The following OCA2 variants were observed in gnomAD, a reference collection of about 807,000 sequenced individuals.
The protein encoded by OCA2 is P protein.
A neutral mutation model predicts 100.2 loss-of-function variants in OCA2; 77 were observed. The ratio of observed to expected loss-of-function variants is 0.77; its 90% CI spans 0.64 to 0.93. OCA2 has a LOEUF of 0.93. Among genes scored for constraint, OCA2 ranks in the 40% least tolerant of loss-of-function variants. The probability of loss-of-function intolerance (pLI) is 0.00; values close to 1 mark genes in which losing one functional copy is unlikely to be tolerated. For missense variants in OCA2, 1,062 were observed against 1,089.1 expected, an observed-to-expected ratio of 0.98 and a Z score of 0.35; for synonymous variants, 432 against 439.2, an observed-to-expected ratio of 0.98 and a Z score of 0.21.
intron 1 of OCA2, among the ~76,000 whole-genome samples, chr15:28,088,049 C>A (rs972099752): frequency 6.6e-6 from 1 of 151,292 alleles, no homozygotes; most frequent in African/African-American, 2.4e-5. Flanking sequence ...GCAGCGAAAG[C>A]GAACCTGCAT....
rs74005267 is a variant in OCA2, at chr15:27,861,212, C to T, written c.2245-9737G>A. Among the ~76,000 whole-genome samples, 395 of 152,280 alleles carry T rather than the reference C, an allele frequency of 2.6e-3. 4 individuals are homozygous for T. The highest frequency in any genetic ancestry group is 9.4e-3 in the African/African-American group (390 of 41,558). On this transcript the variant is annotated intron_variant, in intron 21 of 23. Transcript: ENST00000354638. The stretch of plus-strand genomic sequence containing the variant: ...GGTGTTAGAGAAGGTGAGGTGTTAG[C>T]TGGCTCTCAGCCTCAGGGGCTTGAG...
chr15:28,018,768 C>T (rs569833019), intron 6 of OCA2, among the ~76,000 whole-genome samples: 48 of 152,302 alleles, frequency 3.2e-4, no homozygotes, highest in African/African-American at 1.1e-3. Flanking sequence ...AGCAGATCGT[C>T]GTGACCCTCT....
At chr15:28,070,060 T>A (rs1425112758) in intron 2 of OCA2, among the ~76,000 whole-genome samples, 5 of 107,962 alleles carry the variant, frequency 4.6e-5, no homozygotes, top group East Asian at 4.7e-4. Context: ...CGCCGCCCCA[T>A]CTGGGATGTG....
intron 2 of OCA2, among the ~76,000 whole-genome samples, chr15:28,072,799 A>G (rs1017182520): frequency 1.3e-5 from 2 of 152,108 alleles, no homozygotes; most frequent in African/African-American, 2.4e-5. Context: ...TCAAAAAACA[A>G]CAGATGCTGG....
chr15:28,073,757 T>C (rs1219438172), intron 2 of OCA2, among the ~76,000 whole-genome samples: 1 of 152,250 alleles, frequency 6.6e-6, no homozygotes, highest in African/African-American at 2.4e-5. Flanking sequence ...AAAATAAACG[T>C]TGAATTTTAA....
intron 23 of OCA2, among the ~76,000 whole-genome samples, chr15:27,818,934 G>A (rs1020560054): frequency 9.9e-5 from 15 of 152,078 alleles, no homozygotes; most frequent in African/African-American, 2.9e-4. Context: ...TGCAGGTGTC[G>A]CCAGACCCAG....
intron 2 of OCA2, among the ~76,000 whole-genome samples, chr15:28,070,283 C>G (rs1223973755): frequency 7.0e-6 from 1 of 142,486 alleles, no homozygotes; most frequent in African/African-American, 2.8e-5. Flanking sequence ...CGTCTCCGCC[C>G]GGCAGCCACC....
chr15:27,818,927 A>G (rs893494250), intron 23 of OCA2, among the ~76,000 whole-genome samples: 4 of 152,158 alleles, frequency 2.6e-5, no homozygotes, highest in African/African-American at 9.7e-5. Context: ...CTGCATGTGC[A>G]GGTGTCGCCA....
chr15:27,845,858 C>A (rs6497246), intron 22 of OCA2, among the ~76,000 whole-genome samples: 15,017 of 152,164 alleles, frequency 0.099, 1,706 homozygotes, highest in African/African-American at 0.27. Context: ...GTGAACTGTG[C>A]AACACTGCCC....
intron 22 of OCA2, among the ~76,000 whole-genome samples, chr15:27,850,289 G>C (rs955359626): frequency 1.3e-5 from 2 of 152,210 alleles, no homozygotes; most frequent in African/African-American, 4.8e-5. Flanking sequence ...AGTCTATGCT[G>C]TAACCTTAGT....
intron 19 of OCA2, chr15:27,896,096 T>A: frequency 8.6e-7 from 1 of 1,168,780 alleles, no homozygotes; most frequent in East Asian, 2.3e-5. Flanking sequence ...TGGAAAGCAT[T>A]GATGGTCAGC....
At chr15:27,997,617 C>T in intron 9 of OCA2, among the ~76,000 whole-genome samples, 1 of 150,054 alleles carries the variant, frequency 6.7e-6, no homozygotes, top group Non-Finnish European at 1.5e-5. Flanking sequence ...AGCATGATGC[C>T]TCCAGCTTTG....
Position 27,822,029 on chromosome 15 carries a change from G to C in OCA2, c.2432+22930C>G, listed in dbSNP as rs1451829632. ...GTGTTCCAATAAAACTTCAGTCACAGAAACAAGTGAGCAGCCCATAGGCAG... is the reference window on the plus strand; with the variant it reads ...GTGTTCCAATAAAACTTCAGTCACACAAACAAGTGAGCAGCCCATAGGCAG... On this transcript the variant is annotated intron_variant, in intron 23 of 23. Coordinates refer to ENST00000354638, the MANE Select transcript of OCA2 (RefSeq NM_000275.3). Among the ~76,000 whole-genome samples the C allele has an allele frequency of 3.9e-5, 6 of 152,288 alleles. No individual in the cohort carries two copies. In the East Asian group the frequency reaches 9.7e-4, roughly 25 times the overall value.
intron 18 of OCA2, among the ~76,000 whole-genome samples, chr15:27,947,686 C>T (rs914432442): frequency 7.9e-5 from 12 of 152,306 alleles, no homozygotes; most frequent in Non-Finnish European, 4.4e-5. Flanking sequence ...ATGGGCCATG[C>T]GCACCAGCCA....
intron 17 of OCA2, among the ~76,000 whole-genome samples, chr15:27,954,717 G>C (rs2017966): frequency 0.59 from 87,947 of 148,330 alleles, 29,282 homozygotes; most frequent in Non-Finnish European, 0.77. Flanking sequence ...CAAAACAAAA[G>C]AAAACAAGCT....
At chr15:28,024,767 T>G in intron 5 of OCA2, 78 bp downstream of exon 5, 9 of 1,458,172 alleles carry the variant, frequency 6.2e-6, no homozygotes, top group Non-Finnish European at 8.7e-6. Context: ...ACACCTCAGG[T>G]TCCCCCTGCT....
chr15:27,943,950 C>G (rs532147004), intron 18 of OCA2, among the ~76,000 whole-genome samples: 1 of 152,332 alleles, frequency 6.6e-6, no homozygotes, highest in South Asian at 2.1e-4. Context: ...TGTAACTCAA[C>G]CACCTTGGGT....
chr15:27,870,502 C>T (rs978578086), intron 21 of OCA2, among the ~76,000 whole-genome samples: 2 of 152,158 alleles, frequency 1.3e-5, no homozygotes, highest in Non-Finnish European at 2.9e-5. Flanking sequence ...TAAAGGTCTT[C>T]GATGTGTACT....
chr15:28,041,118 A>G (rs920295580), intron 2 of OCA2, among the ~76,000 whole-genome samples: 1 of 152,162 alleles, frequency 6.6e-6, no homozygotes, highest in African/African-American at 2.4e-5. Context: ...AAAATACTCA[A>G]TACTAAGCAA....
Sources: allele counts gnomAD v4.1 joint callset (sites outside exome capture counted in the v4.1 genomes callset), GRCh38; gene constraint gnomAD v4.1.1; transcripts MANE v1.5; gene names NCBI Gene and HGNC (gene_info 2026-07-23, HGNC 2026-07-21).